The following THAP8 variants were observed in gnomAD, a reference collection of about 807,000 sequenced individuals.
THAP8 encodes the protein THAP domain-containing protein 8.
Under a neutral mutation model 25.0 loss-of-function variants are expected in THAP8, and 24 were observed. The ratio of observed to expected loss-of-function variants is 0.96; its 90% confidence interval spans 0.69 to 1.35. THAP8 has a LOEUF of 1.35. Among genes scored for constraint, THAP8 ranks in the 40% most tolerant of loss-of-function variants. THAP8 has a pLI of 0.00. For synonymous variants in THAP8, 169 were observed against 157.6 expected, an observed-to-expected ratio of 1.07 and a Z score of -0.54; for missense variants, 399 against 368.8, an observed-to-expected ratio of 1.08 and a Z score of -0.67.
intron 1 of THAP8, among the ~76,000 whole-genome samples, chr19:36,043,553 G>A (rs1194536790): frequency 6.6e-6 from 1 of 152,112 alleles, no homozygotes; most frequent in Non-Finnish European, 1.5e-5. Flanking sequence ...GATTTTATGT[G>A]TATTTTGCCA....
chr19:36,053,508 T>A (rs935134622), intron 1 of THAP8, among the ~76,000 whole-genome samples: 2 of 146,764 alleles, frequency 1.4e-5, no homozygotes, highest in Non-Finnish European at 3.0e-5. Flanking sequence ...TGAGCTGTGA[T>A]CGTTCCACTG....
intron 1 of THAP8, among the ~76,000 whole-genome samples, chr19:36,051,990 T>C (rs973932385): frequency 1.3e-5 from 2 of 151,988 alleles, no homozygotes; most frequent in African/African-American, 4.8e-5. Context: ...TTCTGAACTG[T>C]GCATGTGAGA....
intron 1 of THAP8, among the ~76,000 whole-genome samples, chr19:36,048,918 C>T (rs1969973533): frequency 6.7e-6 from 1 of 149,740 alleles, no homozygotes; most frequent in Non-Finnish European, 1.5e-5. Context: ...TTTGTTTGTG[C>T]AGCATAACTT....
rs770987762 is a variant in THAP8 at position 36,039,585 on chromosome 19, G to A, written c.410C>T (p.Ser137Leu). The A allele has an allele frequency of 1.8e-5, 27 of 1,513,742 alleles. No individual in the cohort carries two copies. Among genetic ancestry groups the A allele is most frequent in the African/African-American group, 9.7e-5 (7 of 72,112 alleles). 93.8% of individuals were successfully genotyped at this position (1,513,742 alleles called of 1,614,324 possible). ...GGTGGCCACAGTCTTGGGGCTCCCC[G>A]ATGTGGGGCCCAGCACCACTAGGCG... Reference protein sequence around the residue: ...PVRLVVLGPTSGSPKTVATML... With the variant: ...PVRLVVLGPTLGSPKTVATML... The change falls in exon 3 of 4, where the codon TCG becomes TTG. Residue 137 changes from serine to leucine, a missense_variant. Physicochemically the swap from Ser to Leu is moderately radical, Grantham distance 145. Coordinates refer to ENST00000292894, the MANE Select transcript of THAP8 (RefSeq NM_152658.3).
At position 36,054,057 on chromosome 19, in the gene THAP8, G is replaced by A. The variant is rs1241668819; in HGVS notation, c.83+78C>T. The A allele has an allele frequency of 4.0e-6, 6 of 1,496,462 alleles. No individual in the cohort carries two copies. In the Middle Eastern group the frequency reaches 6.8e-4, roughly 170 times the overall value. 92.7% of individuals were successfully genotyped at this position (1,496,462 alleles called of 1,614,324 possible). ...ACCCTCAAGCAAGACCAGAAGCCCC[G>A]CACAGCAGCACTAATGCTCGGGCCC... is the stretch of plus-strand genomic sequence containing the variant. On this transcript the variant is annotated intron_variant, in intron 1 of 3. Transcript: ENST00000292894.
chr19:36,039,623 GA>G lies in THAP8; in HGVS notation c.371del (p.Val124AlafsTer7), dbSNP rs762261158. On this transcript the variant is annotated frameshift_variant, in exon 3 of 4. Transcript: ENST00000292894. LOFTEE classifies it high-confidence loss of function. Reference sequence around the variant, plus strand: ...GCACCACTAGGCGCACTGGGCCAGAGACTGGGATGGCAGGGCTCTGGGGCAG... The same window carrying G: ...GCACCACTAGGCGCACTGGGCCAGAGCTGGGATGGCAGGGCTCTGGGGCAG... ...TPLPQSPAIP[V>X]SGPVRLVVLG... 9.3e-6 allele frequency: 14 copies of G among 1,508,422 alleles called. No individual in the cohort carries two copies. The highest frequency in any genetic ancestry group is 1.2e-5 in the Non-Finnish European group (14 of 1,126,436). The allele number at this position is 1,508,422 out of a possible 1,614,324, so 93.4% of individuals were successfully genotyped here.
At chr19:36,054,433 T>G (rs74996291), upstream of THAP8, 4 of 614,008 alleles carry the variant, frequency 6.5e-6, no homozygotes, top group Admixed American at 2.8e-5. Flanking sequence ...GAATGGGCCA[T>G]AGCGAGTACT....
chr19:36,048,397 C>T (rs1315664099), intron 1 of THAP8, among the ~76,000 whole-genome samples: 1 of 150,588 alleles, frequency 6.6e-6, no homozygotes, highest in African/African-American at 2.4e-5. Flanking sequence ...CGAAGTTTCA[C>T]CCTTGTTGCC....
At chr19:36,053,268 A>G (rs1254603059) in intron 1 of THAP8, among the ~76,000 whole-genome samples, 2 of 137,642 alleles carry the variant, frequency 1.5e-5, no homozygotes, top group Non-Finnish European at 3.0e-5. Flanking sequence ...GGGTTTCACC[A>G]TGTTGGCCAG....
chr19:36,037,243 TACACACACACACACACACAC>T (rs67358015), intron 3 of THAP8, among the ~76,000 whole-genome samples: 8 of 114,202 alleles, frequency 7.0e-5, no homozygotes, highest in Admixed American at 1.8e-4. Flanking sequence ...CTTCCTCCCC[TACACACACACACACACACAC>T]ACACACACAC....
chr19:36,046,838 G>A (rs956291147), intron 1 of THAP8, among the ~76,000 whole-genome samples: 1 of 152,200 alleles, frequency 6.6e-6, no homozygotes, highest in Non-Finnish European at 1.5e-5. Context: ...TGTTTCCCAG[G>A]ATCCTTTGCA....
intron 3 of THAP8, among the ~76,000 whole-genome samples, chr19:36,037,621 T>C (rs1599713747): frequency 6.6e-6 from 1 of 152,086 alleles, no homozygotes; most frequent in East Asian, 1.9e-4. Context: ...AACAGCAGTA[T>C]TAAGATTATA....
At position 36,054,154 on chromosome 19, in the gene THAP8, G is replaced by T; in HGVS notation, c.64C>A (p.Arg22Ser). The change falls in exon 1 of 4, where the codon CGC (arginine) becomes AGC (serine). Residue 22 changes from arginine to serine, a missense_variant. Transcript: ENST00000292894. ...GCTCACTTGTAGAAGCTCACAGGGC[G>T]GTTGTCTGCACCCAGGCGGCCCGCA... ...NTAGRLGADN[R>S]PVSFYKFPLK... is the part of the protein sequence containing the mutation. 2 of 1,613,880 alleles carry T rather than the reference G, an allele frequency of 1.2e-6. No individual in the cohort carries two copies. Among genetic ancestry groups the T allele is most frequent in the Non-Finnish European group, 1.7e-6 (2 of 1,179,932 alleles).
rs189755156 is a variant in THAP8, at chr19:36,041,040, G to A, written c.84-904C>T. 4.7e-3 allele frequency among the ~76,000 whole-genome samples: 720 copies of A among 152,010 alleles called. 6 individuals carry two copies. Among genetic ancestry groups the A allele is most frequent in the Non-Finnish European group, 7.8e-3 (530 of 68,010 alleles). On this transcript the variant is annotated intron_variant, in intron 1 of 3. Transcript: ENST00000292894. Reference sequence around the variant, plus strand: ...TGTAAGAAACTGGTCAGGCATGGCGGTTCATGCCTGTAATCCTAGCACTTT... The same window carrying A: ...TGTAAGAAACTGGTCAGGCATGGCGATTCATGCCTGTAATCCTAGCACTTT...
At position 36,039,955 on chromosome 19, in the gene THAP8, G is replaced by A; in HGVS notation, c.265C>T (p.Pro89Ser). 6.2e-7 allele frequency: 1 copy of A among 1,612,890 alleles called. No homozygotes were observed. Among genetic ancestry groups the A allele is most frequent in the South Asian group, 1.1e-5 (1 of 91,050 alleles). The change falls in exon 2 of 4, where the codon CCA becomes TCA. Residue 89 changes from proline (P) to serine (S), a missense_variant. Transcript: ENST00000292894. ...DAVPSIFSRGPPAKSQRRTRS... is the reference protein window; with the variant it reads ...DAVPSIFSRGSPAKSQRRTRS... ...CTCCCAGCGCTCACCTTGGCAGGTG[G>A]TCCCCGGGAGAAGATGGAGGGCACT...
intron 1 of THAP8, among the ~76,000 whole-genome samples, chr19:36,052,018 A>ATT (rs937896402): frequency 6.9e-6 from 1 of 143,976 alleles, no homozygotes; most frequent in South Asian, 2.2e-4. Flanking sequence ...GTTGCCCTCC[A>ATT]TTTTTTTTTT....
At chr19:36,051,907 C>T (rs555926890) in intron 1 of THAP8, among the ~76,000 whole-genome samples, 65 of 152,250 alleles carry the variant, frequency 4.3e-4, no homozygotes, top group Non-Finnish European at 6.9e-4. Context: ...CCCCACTGCT[C>T]GCATTACCAC....
intron 1 of THAP8, 150 bp downstream of exon 1, chr19:36,053,985 C>T (rs1202615394): frequency 1.0e-5 from 8 of 789,838 alleles, no homozygotes; most frequent in Non-Finnish European, 1.6e-5. Flanking sequence ...GTGCAATGGA[C>T]ACTGCCAGGA....
Position 36,035,155 on chromosome 19 carries a change from A to C in THAP8, c.*285T>G. 6.2e-6 allele frequency: 2 copies of C among 321,548 alleles called. No individual in the cohort carries two copies. Among genetic ancestry groups the C allele is most frequent in the Non-Finnish European group, 1.1e-5 (2 of 175,804 alleles). The allele number at this position is 321,548 out of a possible 1,614,324, so 19.9% of individuals were successfully genotyped here. Reference sequence around the variant, plus strand: ...CTTAGAACCAGGTATGATTCTCCCAAACAACCCTTGCTCTGCTCTGAGGCT... The same window carrying C: ...CTTAGAACCAGGTATGATTCTCCCACACAACCCTTGCTCTGCTCTGAGGCT... On this transcript the variant is annotated 3_prime_UTR_variant, in exon 4 of 4. Transcript: ENST00000292894.
Sources: gnomAD v4.1 joint callset for allele counts (sites outside exome capture counted in the v4.1 genomes callset) on GRCh38, gnomAD v4.1.1 for gene constraint, MANE v1.5 for transcripts, NCBI Gene and HGNC (gene_info 2026-07-23, HGNC 2026-07-21) for gene names.